The following ATP2B4 variants were observed in gnomAD, a reference collection of about 807,000 sequenced individuals.
ATP2B4 encodes the protein ATPase plasma membrane Ca2+ transporting 4.
ATP2B4 carries 39 observed loss-of-function variants against 110.3 expected under a neutral mutation model. The observed-to-expected ratio is 0.35, with a 90% CI of 0.27 to 0.46. The LOEUF is 0.46. Ranked by LOEUF, ATP2B4 falls within the 20% of genes least tolerant of loss-of-function variation. ATP2B4 has a pLI of 1.00. For missense variants in ATP2B4, 1,135 were observed against 1,530.9 expected (o/e 0.74, Z 4.32); for synonymous variants, 538 against 571.7 (o/e 0.94, Z 0.84).
intron 2 of ATP2B4, among the ~76,000 whole-genome samples, chr1:203,692,190 T>C (rs1430451387): frequency 6.6e-6 from 1 of 151,860 alleles, no homozygotes; most frequent in Non-Finnish European, 1.5e-5. Flanking sequence ...TTTTTTTTCT[T>C]TTTTTGAGAC....
chr1:203,727,156 A>G (rs1666549289), intron 19 of ATP2B4, among the ~76,000 whole-genome samples: 1 of 152,324 alleles, frequency 6.6e-6, no homozygotes, highest in South Asian at 2.1e-4. Flanking sequence ...AATTACTAGA[A>G]TAGAAGCTCT....
chr1:203,680,672 A>T (rs1030429340), intron 1 of ATP2B4, among the ~76,000 whole-genome samples: 2 of 152,028 alleles, frequency 1.3e-5, no homozygotes, highest in Non-Finnish European at 2.9e-5. Context: ...CCTATTCCAG[A>T]CACTGGATAC....
intron 20 of ATP2B4, chr1:203,728,174 G>A (rs556939137): frequency 2.1e-6 from 1 of 468,376 alleles, no homozygotes; most frequent in East Asian, 7.0e-5. Flanking sequence ...ATTCAGACTT[G>A]CTTCCTGACA....
chr1:203,633,813 G>A (rs1203280335), intron 1 of ATP2B4, among the ~76,000 whole-genome samples: 1 of 152,014 alleles, frequency 6.6e-6, no homozygotes, highest in Non-Finnish European at 1.5e-5. Flanking sequence ...TTTTATGTGA[G>A]GCTGAGGTGG....
At chr1:203,729,639 G>A in intron 20 of ATP2B4, 6 of 1,034,716 alleles carry the variant, frequency 5.8e-6, no homozygotes, top group Non-Finnish European at 8.3e-6. Flanking sequence ...GTCTGCCAGA[G>A]AAACATTCCA....
intron 20 of ATP2B4, among the ~76,000 whole-genome samples, chr1:203,737,706 A>T (rs1441469181): frequency 6.6e-6 from 1 of 152,212 alleles, no homozygotes; most frequent in Non-Finnish European, 1.5e-5. Flanking sequence ...TCTGTTCAGC[A>T]TGGTGAGTGT....
At chr1:203,728,643 A>G (rs1223002763) in intron 20 of ATP2B4, among the ~76,000 whole-genome samples, 1 of 150,130 alleles carries the variant, frequency 6.7e-6, no homozygotes, top group Non-Finnish European at 1.5e-5. Context: ...GGATCACCTG[A>G]GGTCGGGAGT....
At chr1:203,722,759 C>T in intron 18 of ATP2B4, 70 bp downstream of exon 18, 1 of 1,437,584 alleles carries the variant, frequency 7.0e-7, no homozygotes, top group Non-Finnish European at 9.6e-7. Context: ...AGCCAGGGTT[C>T]CCTACATACC....
intron 20 of ATP2B4, among the ~76,000 whole-genome samples, chr1:203,730,474 C>T (rs1666672546): frequency 6.6e-6 from 1 of 152,148 alleles, no homozygotes; most frequent in Non-Finnish European, 1.5e-5. Context: ...ATCTCTAAAG[C>T]CCCCAGTGCT....
intron 1 of ATP2B4, among the ~76,000 whole-genome samples, chr1:203,664,239 T>C (rs1357975834): frequency 1.3e-5 from 2 of 152,148 alleles, no homozygotes; most frequent in Non-Finnish European, 2.9e-5. Flanking sequence ...TCCCCAGATA[T>C]AGCTGCAAAA....
At chr1:203,699,005 G>A (rs988032425) in intron 3 of ATP2B4, among the ~76,000 whole-genome samples, 5 of 152,196 alleles carry the variant, frequency 3.3e-5, no homozygotes, top group African/African-American at 9.6e-5. Context: ...AAACCCCTGG[G>A]GTCAAGCGAT....
At chr1:203,671,341 A>AT (rs1310035404) in intron 1 of ATP2B4, among the ~76,000 whole-genome samples, 1 of 151,932 alleles carries the variant, frequency 6.6e-6, no homozygotes, top group Non-Finnish European at 1.5e-5. Flanking sequence ...TTTTGTTTAG[A>AT]TAAAAAAAAT....
intron 15 of ATP2B4, among the ~76,000 whole-genome samples, chr1:203,717,700 G>A (rs897819688): frequency 3.3e-5 from 5 of 151,252 alleles, no homozygotes. Context: ...GGAGTGCAGT[G>A]GGGCAGTCTC....
chr1:203,684,068 A>G (rs183949092), intron 2 of ATP2B4, among the ~76,000 whole-genome samples: 1 of 152,192 alleles, frequency 6.6e-6, no homozygotes, highest in African/African-American at 2.4e-5. Flanking sequence ...GTCAGTAAAT[A>G]ATCAAGTCTG....
intron 1 of ATP2B4, chr1:203,656,965 T>C (rs1196780635): frequency 4.3e-6 from 3 of 704,996 alleles, no homozygotes; most frequent in Non-Finnish European, 7.9e-6. Flanking sequence ...ATGAAATTGC[T>C]GTCAAACCAG....
At chr1:203,721,119 G>C (rs956450785) in intron 16 of ATP2B4, 78 bp from the exon 17 acceptor site, 2 of 1,470,596 alleles carry the variant, frequency 1.4e-6, no homozygotes, top group Non-Finnish European at 1.9e-6. Context: ...GGTGGGTCGT[G>C]GGAGCTGGGC....
rs1255899185 is a variant in ATP2B4 at position 203,709,353 on chromosome 1, G to A, written c.1610G>A (p.Cys537Tyr). Reference protein sequence around the residue: ...LPRQVGNKTECALLGFVTDLK... With the variant: ...LPRQVGNKTEYALLGFVTDLK... ...CGGCAGGTGGGCAACAAGACCGAGT[G>A]TGCTCTGCTAGGCTTTGTCACAGAT... The change falls in exon 11 of 21, where the codon TGT (cysteine) becomes TAT (tyrosine). Residue 537 changes from cysteine (C) to tyrosine (Y), a missense_variant. Physicochemically the swap from Cys to Tyr is radical, Grantham distance 194. Transcript: ENST00000357681. 1.9e-6 allele frequency: 3 copies of A among 1,614,188 alleles called. No homozygotes were observed. Among genetic ancestry groups the A allele is most frequent in the Non-Finnish European group, 2.5e-6 (3 of 1,180,026 alleles).
chr1:203,739,925 G>A lies in ATP2B4; in HGVS notation c.*71G>A, dbSNP rs1206861332. 6.7e-7 allele frequency: 1 copy of A among 1,484,230 alleles called. No homozygotes were observed. The highest frequency in any genetic ancestry group is 9.1e-7 in the Non-Finnish European group (1 of 1,099,210). 91.9% of individuals were successfully genotyped at this position (1,484,230 alleles called of 1,614,324 possible). On this transcript the variant is annotated 3_prime_UTR_variant, in exon 21 of 21. Coordinates refer to ENST00000357681, the MANE Select transcript of ATP2B4 (RefSeq NM_001684.5). The stretch of plus-strand genomic sequence containing the variant: ...TCGTCTATCCCATCTATGAGGTGAT[G>A]ATGGGACTTTTCATTGTCACGTCAG...
intron 20 of ATP2B4, chr1:203,733,761 C>A: frequency 9.9e-6 from 2 of 201,544 alleles, no homozygotes; most frequent in Non-Finnish European, 2.0e-5. Flanking sequence ...CCTCTCTTCT[C>A]CTCCTGCTCC....
Sources: allele counts gnomAD v4.1 joint callset (sites outside exome capture counted in the v4.1 genomes callset), GRCh38; gene constraint gnomAD v4.1.1; transcripts MANE v1.5; gene names NCBI Gene and HGNC (gene_info 2026-07-23, HGNC 2026-07-21).